WWC2: variants seen among roughly 807,000 people sequenced by gnomAD.
WWC2 encodes the protein protein WWC2.
In WWC2, 101 loss-of-function variants were observed where a neutral mutation model predicts 138.5. That is an observed-to-expected ratio of 0.73 (90% CI 0.62 to 0.86). The LOEUF is 0.86. Among genes scored for constraint, WWC2 ranks in the 40% least tolerant of loss-of-function variants. The probability of loss-of-function intolerance (pLI) is 0.00; values close to 1 mark genes in which losing one functional copy is unlikely to be tolerated. For missense variants in WWC2, 1,420 were observed against 1,419.4 expected, an observed-to-expected ratio of 1.00 and a Z score of -0.01; for synonymous variants, 558 against 538.4, an observed-to-expected ratio of 1.04 and a Z score of -0.50.
chr4:183,100,142 C>T (rs972078607), intron 1 of WWC2, among the ~76,000 whole-genome samples: 6 of 152,230 alleles, frequency 3.9e-5, no homozygotes, highest in Admixed American at 6.5e-5. Context: ...GGGCTCCCGC[C>T]CCCCGCCGGG....
At chr4:183,184,084 T>TA (rs1276571415) in intron 1 of WWC2, among the ~76,000 whole-genome samples, 1 of 152,214 alleles carries the variant, frequency 6.6e-6, no homozygotes, top group African/African-American at 2.4e-5. Context: ...CCCCTATATT[T>TA]AGTTTCAGAA....
At chr4:183,159,651 T>G (rs1733901127) in intron 1 of WWC2, among the ~76,000 whole-genome samples, 1 of 151,838 alleles carries the variant, frequency 6.6e-6, no homozygotes, top group Admixed American at 6.6e-5. Flanking sequence ...GTGATCCATC[T>G]GCCTCAGCTT....
rs1561438959 is a variant in WWC2 at position 183,154,026 on chromosome 4, A to AAAAAAAAAACAAAAAAAC, written c.132-39571_132-39570insAAAAAAACAAAAAAACAA. Among the ~76,000 whole-genome samples, 207 of 145,636 alleles carry AAAAAAAAAACAAAAAAAC rather than the reference A, an allele frequency of 1.4e-3. 5 individuals are homozygous for AAAAAAAAAACAAAAAAAC. Among genetic ancestry groups the AAAAAAAAAACAAAAAAAC allele is most frequent in the African/African-American group, 5.5e-3 (199 of 36,390 alleles). Reference sequence around the variant, plus strand: ...GCAAAAAAAAAAAAAAAAAAAAAAAAAACCCCAAATCTAATTCATCATTTA... The same window carrying AAAAAAAAAACAAAAAAAC: ...GCAAAAAAAAAAAAAAAAAAAAAAAAAAAAAAAAACAAAAAAACAACCCCAAATCTAATTCATCATTTA... On this transcript the variant is annotated intron_variant, in intron 1 of 22. Transcript: ENST00000403733.
At position 183,235,181 on chromosome 4, in the gene WWC2, G is replaced by A. The variant is rs148416573; in HGVS notation, c.523-5002G>A. Among the ~76,000 whole-genome samples the A allele has an allele frequency of 1.0e-3, 155 of 152,218 alleles. 2 individuals carry two copies. The highest frequency in any genetic ancestry group is 3.7e-3 in the African/African-American group (154 of 41,540). ...GACTCCCCAGTATAAAACCAGTAGC[G>A]TATAGCCAACTTTAGGTAAACTAAA... On this transcript the variant is annotated intron_variant, in intron 4 of 22. Transcript: ENST00000403733.
chr4:183,309,459 T>A (rs766728239), intron 21 of WWC2, among the ~76,000 whole-genome samples: 5 of 152,056 alleles, frequency 3.3e-5, no homozygotes, highest in Admixed American at 6.5e-5. Context: ...AGATGACAAA[T>A]AAACACATGA....
At chr4:183,220,781 C>T (rs1735909858) in intron 4 of WWC2, among the ~76,000 whole-genome samples, 1 of 151,448 alleles carries the variant, frequency 6.6e-6, no homozygotes, top group Admixed American at 6.6e-5. Context: ...TTGCAGTGAG[C>T]CAACATCGTG....
At chr4:183,147,742 A>G (rs1733503311) in intron 1 of WWC2, among the ~76,000 whole-genome samples, 1 of 152,230 alleles carries the variant, frequency 6.6e-6, no homozygotes, top group African/African-American at 2.4e-5. Context: ...GAGTGATGTT[A>G]AAACAAAGGA....
chr4:183,185,363 A>C (rs1734761086), intron 1 of WWC2, among the ~76,000 whole-genome samples: 1 of 152,214 alleles, frequency 6.6e-6, no homozygotes, highest in Admixed American at 6.5e-5. Context: ...ATGAACAATT[A>C]ACTTGGAATC....
chr4:183,219,159 G>C (rs1447215158), intron 4 of WWC2, among the ~76,000 whole-genome samples: 1 of 152,060 alleles, frequency 6.6e-6, no homozygotes, highest in African/African-American at 2.4e-5. Flanking sequence ...ACAGAAAATA[G>C]AACAGTGGTT....
At chr4:183,260,507 G>A (rs1038804744) in intron 10 of WWC2, among the ~76,000 whole-genome samples, 1 of 152,200 alleles carries the variant, frequency 6.6e-6, no homozygotes, top group Non-Finnish European at 1.5e-5. Flanking sequence ...TATTTTTACT[G>A]TGCTTTTTCT....
chr4:183,248,659 A>G lies in WWC2; in HGVS notation c.733-55A>G, dbSNP rs73870396. The stretch of plus-strand genomic sequence containing the variant: ...TCCTTTTAATTTCACCTGGTAGGGA[A>G]GGTTTGCTGTCTTACTTGTTAAGCT... On this transcript the variant is annotated intron_variant, in intron 6 of 22. Coordinates refer to ENST00000403733, the MANE Select transcript of WWC2 (RefSeq NM_024949.6). 4.5e-3 allele frequency: 6,663 copies of G among 1,475,514 alleles called. 235 individuals carry two copies. The African/African-American group carries it at 0.08, about 18-fold the overall frequency. The allele number at this position is 1,475,514 out of a possible 1,614,324, so 91.4% of individuals were successfully genotyped here.
intron 1 of WWC2, among the ~76,000 whole-genome samples, chr4:183,141,321 A>G (rs1457542500): frequency 1.3e-5 from 2 of 152,142 alleles, no homozygotes; most frequent in Non-Finnish European, 2.9e-5. Flanking sequence ...GTGCTTGGGA[A>G]GGGGAGAGCG....
At chr4:183,313,480 C>G (rs1739332300) in intron 22 of WWC2, among the ~76,000 whole-genome samples, 2 of 151,872 alleles carry the variant, frequency 1.3e-5, no homozygotes, top group Admixed American at 1.3e-4. Flanking sequence ...TGCTGGGGAG[C>G]AGGGGTGTGG....
intron 2 of WWC2, among the ~76,000 whole-genome samples, chr4:183,206,219 A>G (rs992365464): frequency 6.6e-6 from 1 of 152,096 alleles, no homozygotes; most frequent in Non-Finnish European, 1.5e-5. Context: ...CATTGTTCAT[A>G]TATTTTATCT....
At chr4:183,109,146 C>T (rs1013041953) in intron 1 of WWC2, among the ~76,000 whole-genome samples, 10 of 152,040 alleles carry the variant, frequency 6.6e-5, no homozygotes, top group African/African-American at 2.4e-4. Flanking sequence ...GCTTTGTAGG[C>T]CTCATTTTAG....
intron 1 of WWC2, among the ~76,000 whole-genome samples, chr4:183,104,708 A>G (rs1027811484): frequency 6.6e-6 from 1 of 152,208 alleles, no homozygotes; most frequent in African/African-American, 2.4e-5. Flanking sequence ...AATTTAAAGT[A>G]TGCTGTCTTC....
chr4:183,319,629 C>G lies in WWC2; in HGVS notation c.*3900C>G. 18 of 1,614,086 alleles carry G rather than the reference C, an allele frequency of 1.1e-5. No individual in the cohort carries two copies. Among genetic ancestry groups the G allele is most frequent in the Non-Finnish European group, 1.5e-5 (18 of 1,179,996 alleles). Reference sequence around the variant, plus strand: ...TTGTGTTTGTGCCACTGCGTAGTGGCCCGAAGCTAGGGGAGCGTGGCTGGA... The same window carrying G: ...TTGTGTTTGTGCCACTGCGTAGTGGGCCGAAGCTAGGGGAGCGTGGCTGGA... On this transcript the variant is annotated 3_prime_UTR_variant, in exon 23 of 23. Coordinates refer to ENST00000403733, the MANE Select transcript of WWC2 (RefSeq NM_024949.6).
At chr4:183,292,387 A>G (rs568751855) in intron 21 of WWC2, among the ~76,000 whole-genome samples, 2 of 152,094 alleles carry the variant, frequency 1.3e-5, no homozygotes, top group Admixed American at 6.5e-5. Context: ...GCACACAGCT[A>G]TATAGTCTTG....
chr4:183,194,427 C>T (rs977964687), intron 2 of WWC2, among the ~76,000 whole-genome samples: 1 of 152,142 alleles, frequency 6.6e-6, no homozygotes, highest in Non-Finnish European at 1.5e-5. Flanking sequence ...CAGATGGTAG[C>T]ATACAATACT....
Sources: gnomAD v4.1 joint callset for allele counts (sites outside exome capture counted in the v4.1 genomes callset) on GRCh38, gnomAD v4.1.1 for gene constraint, MANE v1.5 for transcripts, NCBI Gene and HGNC (gene_info 2026-07-23, HGNC 2026-07-21) for gene names.